OTUD7A: variants seen among roughly 807,000 people sequenced by gnomAD.
The protein encoded by OTUD7A is OTU domain-containing protein 7A.
Under a neutral mutation model 65.7 loss-of-function variants are expected in OTUD7A, and 12 were observed. That is an observed-to-expected ratio of 0.18 (90% CI 0.12 to 0.30). OTUD7A has a LOEUF of 0.30. Ranked by LOEUF, OTUD7A falls within the 10% of genes least tolerant of loss-of-function variation. The pLI, the probability that OTUD7A is intolerant of heterozygous loss-of-function variation, is 1.00. For missense variants in OTUD7A, 1,148 were observed against 1,304.8 expected (o/e 0.88, Z 1.85); for synonymous variants, 641 against 586.3 (o/e 1.09, Z -1.35).
chr15:31,840,653 C>T (rs1317273601), intron 1 of OTUD7A, among the ~76,000 whole-genome samples: 2 of 152,048 alleles, frequency 1.3e-5, no homozygotes, highest in East Asian at 3.8e-4. Context: ...TGGTGGAAAA[C>T]ATGCTTTTAA....
intron 1 of OTUD7A, among the ~76,000 whole-genome samples, chr15:31,693,409 A>T (rs1893003142): frequency 6.6e-6 from 1 of 152,108 alleles, no homozygotes; most frequent in Non-Finnish European, 1.5e-5. Flanking sequence ...ACAAAACAAA[A>T]GGGAGGGGGG....
At chr15:31,761,353 T>C (rs1194490877) in intron 1 of OTUD7A, among the ~76,000 whole-genome samples, 2 of 152,044 alleles carry the variant, frequency 1.3e-5, no homozygotes. Flanking sequence ...CCAATAAAAA[T>C]GGACAAAGGA....
Position 31,860,677 on chromosome 15 carries a change from GTA to G in OTUD7A, c.-100+9828_-100+9829del, listed in dbSNP as rs1555425282. Among the ~76,000 whole-genome samples, 374 of 73,240 alleles carry G rather than the reference GTA, an allele frequency of 5.1e-3. 13 individuals carry two copies. The highest frequency in any genetic ancestry group is 0.02 in the Middle Eastern group (2 of 102). The allele number at this position is 73,240 out of a possible 152,430, so 48.0% of individuals were successfully genotyped here. A position where few individuals can be genotyped will look rare whatever the true frequency, so the allele number is the denominator to read the frequency against. ...TGTGTGTATATATAGATGTATGTGT[GTA>G]TATATATATATATATATATATGTAT... On this transcript the variant is annotated intron_variant, in intron 1 of 12. Coordinates refer to ENST00000307050, the MANE Select transcript of OTUD7A (RefSeq NM_001382637.1).
intron 3 of OTUD7A, among the ~76,000 whole-genome samples, chr15:31,652,374 A>G (rs1891866333): frequency 6.6e-6 from 1 of 152,232 alleles, no homozygotes; most frequent in Non-Finnish European, 1.5e-5. Flanking sequence ...GTAAAACATG[A>G]AAGTATAAAA....
intron 1 of OTUD7A, among the ~76,000 whole-genome samples, chr15:31,800,927 CAT>C (rs1245962285): frequency 1.3e-5 from 2 of 152,080 alleles, no homozygotes; most frequent in Non-Finnish European, 1.5e-5. Flanking sequence ...GGCATCCCTC[CAT>C]GGGTCTCAGA....
At chr15:31,632,635 T>C (rs1457894318) in intron 3 of OTUD7A, among the ~76,000 whole-genome samples, 4 of 152,248 alleles carry the variant, frequency 2.6e-5, no homozygotes, top group African/African-American at 9.6e-5. Flanking sequence ...GGAGAACCAC[T>C]ACTCTCTTCA....
chr15:31,608,642 GTAAGTTGAACTATCA>G (rs1221939556), intron 3 of OTUD7A, among the ~76,000 whole-genome samples: 1 of 152,182 alleles, frequency 6.6e-6, no homozygotes, highest in Non-Finnish European at 1.5e-5. Flanking sequence ...TTGAAAAATC[GTAAGTTGAACTATCA>G]TAAGTCAGTG....
intron 1 of OTUD7A, among the ~76,000 whole-genome samples, chr15:31,836,140 C>CT (rs35757147): frequency 6.6e-6 from 1 of 151,960 alleles, no homozygotes; most frequent in African/African-American, 2.4e-5. Flanking sequence ...GAAACCAAAA[C>CT]TTTTTTTCCG....
chr15:31,767,118 ATT>A, intron 1 of OTUD7A: 3 of 1,527,164 alleles, frequency 2.0e-6, no homozygotes, highest in Non-Finnish European at 2.7e-6. Flanking sequence ...ATTCTTCTTT[ATT>A]TTTTTTTCTC....
At chr15:31,759,677 C>T (rs993132696) in intron 1 of OTUD7A, among the ~76,000 whole-genome samples, 1 of 152,120 alleles carries the variant, frequency 6.6e-6, no homozygotes, top group Non-Finnish European at 1.5e-5. Context: ...GGGATACAGG[C>T]GTGCACCACC....
intron 1 of OTUD7A, among the ~76,000 whole-genome samples, chr15:31,682,771 G>C (rs370965604): frequency 0.021 from 3,188 of 152,320 alleles, 107 homozygotes; most frequent in African/African-American, 0.073. Flanking sequence ...TGTGCTGTGT[G>C]TGTGCATGTC....
chr15:31,610,593 T>TTATATATATATATATATATA (rs1244768576), intron 3 of OTUD7A, among the ~76,000 whole-genome samples: 1 of 81,020 alleles, frequency 1.2e-5, no homozygotes, highest in African/African-American at 6.0e-5. Flanking sequence ...AAAAATGAAA[T>TTATATATATATATATATATA]TATATATATA....
chr15:31,761,802 A>G (rs1894971540), intron 1 of OTUD7A, among the ~76,000 whole-genome samples: 1 of 152,252 alleles, frequency 6.6e-6, no homozygotes, highest in South Asian at 2.1e-4. Flanking sequence ...TGATATATCC[A>G]TACAATTGAA....
chr15:31,496,157 A>G (rs2041380935), intron 10 of OTUD7A, among the ~76,000 whole-genome samples: 1 of 152,064 alleles, frequency 6.6e-6, no homozygotes, highest in Admixed American at 6.5e-5. Flanking sequence ...TAGGCATTAC[A>G]TACTTCCTCC....
chr15:31,610,607 A>ATTTTTTT (rs1395271113), intron 3 of OTUD7A, among the ~76,000 whole-genome samples: 10 of 39,540 alleles, frequency 2.5e-4, no homozygotes, highest in Non-Finnish European at 3.2e-4. Flanking sequence ...ATATATATAT[A>ATTTTTTT]TATATATATA....
At chr15:31,783,622 T>C (rs1227835769) in intron 1 of OTUD7A, among the ~76,000 whole-genome samples, 1 of 152,206 alleles carries the variant, frequency 6.6e-6, no homozygotes, top group Non-Finnish European at 1.5e-5. Flanking sequence ...CCCTTGTGTG[T>C]AAGTGTTCCT....
At chr15:31,495,909 T>C (rs1047032506) in intron 10 of OTUD7A, among the ~76,000 whole-genome samples, 1 of 151,706 alleles carries the variant, frequency 6.6e-6, no homozygotes, top group Non-Finnish European at 1.5e-5. Context: ...GTACCAAAAG[T>C]ACAGAAAGTT....
chr15:31,815,341 A>G (rs1349603070), intron 1 of OTUD7A, among the ~76,000 whole-genome samples: 1 of 152,186 alleles, frequency 6.6e-6, no homozygotes, highest in Non-Finnish European at 1.5e-5. Context: ...CAGAAACCAG[A>G]GCCACTGTCA....
chr15:31,797,281 A>G (rs778630352), intron 1 of OTUD7A, among the ~76,000 whole-genome samples: 5 of 152,122 alleles, frequency 3.3e-5, no homozygotes, highest in Non-Finnish European at 5.9e-5. Flanking sequence ...TGGCTGAGTG[A>G]TCTTTTTTTA....
Sources: allele counts gnomAD v4.1 joint callset (sites outside exome capture counted in the v4.1 genomes callset), GRCh38; gene constraint gnomAD v4.1.1; transcripts MANE v1.5; gene names NCBI Gene and HGNC (gene_info 2026-07-23, HGNC 2026-07-21).